Variants in RANBP2 observed in about 807,000 individuals in gnomAD.
RANBP2 encodes RAN binding protein 2.
In RANBP2, 57 loss-of-function variants were observed where a neutral mutation model predicts 303.6. That is an observed-to-expected ratio of 0.19 (90% CI 0.15 to 0.23). RANBP2 has a LOEUF of 0.23. Among genes scored for constraint, RANBP2 ranks in the 10% least tolerant of loss-of-function variants. The pLI, the probability that RANBP2 is intolerant of heterozygous loss-of-function variation, is 1.00. For missense variants in RANBP2, 3,138 were observed against 3,780.8 expected, an observed-to-expected ratio of 0.83 and a Z score of 4.46; for synonymous variants, 1,167 against 1,301.5, an observed-to-expected ratio of 0.90 and a Z score of 2.23.
chr2:109,733,145 C>T, the RANBP2 span: 2 of 517,728 alleles, frequency 3.9e-6, no homozygotes, highest in Non-Finnish European at 7.9e-6. Flanking sequence ...GCCACCTGAT[C>T]CTTCTCTAGG....
chr2:109,237,903 G>A, the RANBP2 span, among the ~76,000 whole-genome samples: 1 of 152,172 alleles, frequency 6.6e-6, no homozygotes, highest in Non-Finnish European at 1.5e-5. Context: ...AATAAGCTAT[G>A]GTATATAAAT....
chr2:109,376,398 C>T, the RANBP2 span, among the ~76,000 whole-genome samples: 6 of 152,214 alleles, frequency 3.9e-5, no homozygotes, highest in East Asian at 1.2e-3. Flanking sequence ...GGGCGGGACA[C>T]AGGCTGCCTC....
At chr2:108,909,741 C>T in the RANBP2 span, among the ~76,000 whole-genome samples, 1 of 152,210 alleles carries the variant, frequency 6.6e-6, no homozygotes, top group Non-Finnish European at 1.5e-5. Flanking sequence ...TTCCCTCTAC[C>T]CTCGATTTTA....
the RANBP2 span, among the ~76,000 whole-genome samples, chr2:109,015,809 TATAAC>T: frequency 1.1e-4 from 16 of 152,166 alleles, no homozygotes; most frequent in African/African-American, 3.9e-4. Context: ...ATATAATACA[TATAAC>T]ATATAAAATA....
At chr2:109,320,332 T>C in the RANBP2 span, among the ~76,000 whole-genome samples, 47 of 151,980 alleles carry the variant, frequency 3.1e-4, no homozygotes, top group Non-Finnish European at 5.7e-4. Context: ...GAGAGGGAGG[T>C]ACAGGCCCTC....
At chr2:109,542,508 T>C in the RANBP2 span, among the ~76,000 whole-genome samples, 2 of 152,222 alleles carry the variant, frequency 1.3e-5, no homozygotes, top group African/African-American at 2.4e-5. Flanking sequence ...ATAAACAGTA[T>C]GGTCAAATAT....
At chr2:109,144,009 T>A in the RANBP2 span, among the ~76,000 whole-genome samples, 1 of 152,124 alleles carries the variant, frequency 6.6e-6, no homozygotes, top group South Asian at 2.1e-4. Flanking sequence ...ACTGAATTCA[T>A]AGAAGCAGAT....
At chr2:108,929,158 A>T in the RANBP2 span, 1 of 1,612,684 alleles carries the variant, frequency 6.2e-7, no homozygotes, top group Non-Finnish European at 8.5e-7. Flanking sequence ...GGTTTTCTGC[A>T]GAAAGCATGC....
chr2:108,995,801 G>A, the RANBP2 span, among the ~76,000 whole-genome samples: 1 of 152,176 alleles, frequency 6.6e-6, no homozygotes, highest in South Asian at 2.1e-4. Context: ...GCCACCTGGA[G>A]TGTGAACATG....
chr2:109,164,142 G>T, the RANBP2 span, among the ~76,000 whole-genome samples: 2 of 151,842 alleles, frequency 1.3e-5, no homozygotes, highest in African/African-American at 4.8e-5. Flanking sequence ...AATTATTTTT[G>T]GTCCAGGAAA....
At chr2:109,634,476 G>T in the RANBP2 span, among the ~76,000 whole-genome samples, 1 of 152,332 alleles carries the variant, frequency 6.6e-6, no homozygotes, top group African/African-American at 2.4e-5. Flanking sequence ...CACAGAAGTA[G>T]CTCTCAGCTG....
chr2:108,873,965 C>T, the RANBP2 span, among the ~76,000 whole-genome samples: 9 of 152,050 alleles, frequency 5.9e-5, no homozygotes, highest in South Asian at 2.1e-4. Context: ...TAAATACTAA[C>T]GCTGATCTAA....
chr2:109,632,446 C>T, the RANBP2 span, among the ~76,000 whole-genome samples: 9 of 152,278 alleles, frequency 5.9e-5, no homozygotes, highest in Middle Eastern at 3.4e-3. Context: ...AAGTTAGTGT[C>T]GCAATTGAAT....
chr2:109,733,474 C>A, the RANBP2 span, among the ~76,000 whole-genome samples: 1 of 152,096 alleles, frequency 6.6e-6, no homozygotes, highest in Non-Finnish European at 1.5e-5. Flanking sequence ...ACATTATATT[C>A]AATGGTAAAA....
the RANBP2 span, among the ~76,000 whole-genome samples, chr2:108,841,280 G>T: frequency 6.6e-6 from 1 of 152,248 alleles, no homozygotes; most frequent in Middle Eastern, 3.4e-3. Flanking sequence ...TGATCCTGTT[G>T]GTTGATGGTG....
At chr2:109,335,343 C>T in the RANBP2 span, among the ~76,000 whole-genome samples, 8 of 152,294 alleles carry the variant, frequency 5.3e-5, no homozygotes, top group Non-Finnish European at 7.4e-5. Flanking sequence ...ATTGAAAACT[C>T]TCAATGGCGT....
At chr2:109,333,794 T>TC in the RANBP2 span, among the ~76,000 whole-genome samples, 1 of 152,220 alleles carries the variant, frequency 6.6e-6, no homozygotes, top group African/African-American at 2.4e-5. Context: ...TGACTTAGTT[T>TC]CCTCCACTGT....
chr2:109,543,795 T>C, the RANBP2 span: 3 of 198,562 alleles, frequency 1.5e-5, no homozygotes, highest in African/African-American at 7.1e-5. Context: ...TATGAATATA[T>C]AGGTACAAGC....
chr2:108,907,202 C>T, the RANBP2 span, among the ~76,000 whole-genome samples: 3 of 152,128 alleles, frequency 2.0e-5, no homozygotes, highest in South Asian at 4.1e-4. Context: ...AGAAGAAAAA[C>T]GTTGTGTGTG....
Sources: allele counts gnomAD v4.1 joint callset (sites outside exome capture counted in the v4.1 genomes callset), GRCh38; gene constraint gnomAD v4.1.1; transcripts MANE v1.5; gene names NCBI Gene and HGNC (gene_info 2026-07-23, HGNC 2026-07-21).